Variants in TIMM44 observed in about 807,000 individuals in gnomAD.
The protein encoded by TIMM44 is translocase of inner mitochondrial membrane 44, also known as mitochondrial import inner membrane translocase subunit TIM44.
In TIMM44, 37 loss-of-function variants were observed where a neutral mutation model predicts 63.8. The observed-to-expected ratio is 0.58, with a 90% CI of 0.45 to 0.76. The LOEUF is 0.76. TIMM44 is among the 30% of genes least tolerant of loss of function. The pLI is 0.00. For missense variants in TIMM44, 573 were observed against 603.8 expected (o/e 0.95, Z 0.54); for synonymous variants, 239 against 245.1 (o/e 0.98, Z 0.23).
intron 9 of TIMM44, 197 bp downstream of exon 9, chr19:7,932,430 G>GT: frequency 1.5e-6 from 1 of 681,354 alleles, no homozygotes; most frequent in Non-Finnish European, 2.4e-6. Flanking sequence ...GGAGGTGCCG[G>GT]TAAGGCCCAG....
chr19:7,935,385 A>G, intron 3 of TIMM44: 1 of 497,542 alleles, frequency 2.0e-6, no homozygotes, highest in Non-Finnish European at 3.6e-6. Context: ...GGCTGGTCTC[A>G]AACTTCTGAC....
At chr19:7,932,481 G>T in intron 9 of TIMM44, 146 bp downstream of exon 9, 1 of 1,157,520 alleles carries the variant, frequency 8.6e-7, no homozygotes, top group Non-Finnish European at 1.2e-6. Context: ...CTGCAGCCGG[G>T]CAGGAGCCCG....
chr19:7,940,405 C>G (rs1282669914), intron 2 of TIMM44, among the ~76,000 whole-genome samples: 4 of 152,098 alleles, frequency 2.6e-5, no homozygotes, highest in African/African-American at 9.7e-5. Flanking sequence ...ACCAGAGACT[C>G]TTGGGCTACA....
intron 3 of TIMM44, among the ~76,000 whole-genome samples, chr19:7,935,410 C>T (rs1256797283): frequency 1.3e-5 from 2 of 152,118 alleles, no homozygotes; most frequent in African/African-American, 4.8e-5. Context: ...AGTGATCCAC[C>T]CGCCTCGGCC....
Sources: gnomAD v4.1 joint callset for allele counts (sites outside exome capture counted in the v4.1 genomes callset) on GRCh38, gnomAD v4.1.1 for gene constraint, MANE v1.5 for transcripts, NCBI Gene and HGNC (gene_info 2026-07-23, HGNC 2026-07-21) for gene names.